The following RAPGEF2 variants were observed in gnomAD, a reference collection of about 807,000 sequenced individuals.
The protein encoded by RAPGEF2 is PDZ domain containing guanine nucleotide exchange factor (GEF) 1.
RAPGEF2 carries 54 observed loss-of-function variants against 186.7 expected under a neutral mutation model. That is an observed-to-expected ratio of 0.29 (90% CI 0.23 to 0.36). The LOEUF is 0.36. RAPGEF2 is among the 10% of genes least tolerant of loss of function. RAPGEF2 has a pLI of 1.00. For synonymous variants in RAPGEF2, 712 were observed against 705.9 expected, an observed-to-expected ratio of 1.01 and a Z score of -0.14; for missense variants, 1,532 against 2,045.0, an observed-to-expected ratio of 0.75 and a Z score of 4.84.
At chr4:159,151,634 G>A (rs1361834299) in intron 1 of RAPGEF2, among the ~76,000 whole-genome samples, 2 of 152,164 alleles carry the variant, frequency 1.3e-5, no homozygotes, top group Non-Finnish European at 2.9e-5. Flanking sequence ...AAAACAAAAA[G>A]CAAAGTTGTG....
intron 7 of RAPGEF2, among the ~76,000 whole-genome samples, chr4:159,302,732 A>G (rs983935068): frequency 2.6e-5 from 4 of 151,990 alleles, no homozygotes; most frequent in Admixed American, 6.6e-5. Flanking sequence ...TCCCTTACAG[A>G]TAAGTTGTTA....
chr4:159,202,158 G>A (rs572323728), intron 3 of RAPGEF2, among the ~76,000 whole-genome samples: 6 of 152,186 alleles, frequency 3.9e-5, no homozygotes, highest in African/African-American at 7.2e-5. Flanking sequence ...CAAAGCAATC[G>A]CCATCTTTTT....
At chr4:159,312,399 C>T (rs1369507219) in intron 8 of RAPGEF2, among the ~76,000 whole-genome samples, 1 of 152,134 alleles carries the variant, frequency 6.6e-6, no homozygotes, top group Non-Finnish European at 1.5e-5. Flanking sequence ...TTCTAGACTT[C>T]AGGGTCAGGT....
chr4:159,236,059 A>T (rs1486812184), intron 4 of RAPGEF2, among the ~76,000 whole-genome samples: 2 of 152,172 alleles, frequency 1.3e-5, no homozygotes, highest in Non-Finnish European at 2.9e-5. Context: ...TTGTTGAGTA[A>T]ATGAAGTAAC....
intron 11 of RAPGEF2, 123 bp from the exon 12 acceptor site, chr4:159,329,724 CAGCATTAATTT>C (rs1359643527): frequency 1.6e-6 from 1 of 632,438 alleles, no homozygotes; most frequent in African/African-American, 1.9e-5. Flanking sequence ...AGGTTCATTA[CAGCATTAATTT>C]AGAAAGTATG....
At chr4:159,330,531 A>G in intron 13 of RAPGEF2, 33 bp downstream of exon 13, 1 of 1,497,688 alleles carries the variant, frequency 6.7e-7, no homozygotes, top group South Asian at 1.2e-5. Flanking sequence ...TCTCTTAAAT[A>G]TGAAATGTAA....
intron 7 of RAPGEF2, among the ~76,000 whole-genome samples, chr4:159,280,456 ACT>A (rs1759541738): frequency 1.3e-5 from 2 of 152,022 alleles, no homozygotes; most frequent in African/African-American, 2.4e-5. Flanking sequence ...TTCGGTCTCT[ACT>A]CTCTGAAAAG....
At chr4:159,324,078 G>A (rs1765606642) in intron 11 of RAPGEF2, among the ~76,000 whole-genome samples, 4 of 152,044 alleles carry the variant, frequency 2.6e-5, no homozygotes, top group Admixed American at 2.6e-4. Flanking sequence ...TGTATTTGTA[G>A]TAGAGATGGG....
intron 29 of RAPGEF2, among the ~76,000 whole-genome samples, chr4:159,357,019 G>A (rs1169967997): frequency 6.6e-6 from 1 of 152,070 alleles, no homozygotes; most frequent in African/African-American, 2.4e-5. Flanking sequence ...TTATATTTGC[G>A]CTTTTAATGA....
At chr4:159,343,852 A>G (rs1359849889) in intron 22 of RAPGEF2, among the ~76,000 whole-genome samples, 184 bp from the exon 23 acceptor site, 2 of 152,222 alleles carry the variant, frequency 1.3e-5, no homozygotes, top group Non-Finnish European at 2.9e-5. Context: ...ATTTAAATGT[A>G]TGTGTCTTTT....
At chr4:159,198,071 AT>A (rs924255744) in intron 3 of RAPGEF2, among the ~76,000 whole-genome samples, 42 of 151,822 alleles carry the variant, frequency 2.8e-4, no homozygotes, top group African/African-American at 9.4e-4. Flanking sequence ...TTATTACACT[AT>A]TTTTTCCTTC....
intron 8 of RAPGEF2, among the ~76,000 whole-genome samples, chr4:159,312,791 G>A (rs969092447): frequency 6.6e-6 from 1 of 152,176 alleles, no homozygotes; most frequent in African/African-American, 2.4e-5. Context: ...TCAAAATGTA[G>A]GATTAAATCT....
chr4:159,275,273 A>G lies in RAPGEF2; in HGVS notation c.544-29069A>G, dbSNP rs544579792. Among the ~76,000 whole-genome samples the G allele has an allele frequency of 7.9e-5, 12 of 152,206 alleles. No homozygotes were observed. In the South Asian group the frequency reaches 2.3e-3, roughly 29 times the overall value. On this transcript the variant is annotated intron_variant, in intron 7 of 29. Coordinates refer to ENST00000691494, the MANE Select transcript of RAPGEF2 (RefSeq NM_001394067.2). Reference sequence around the variant, plus strand: ...GACCAAATTCTCTTTTACAACTTACACTGGATATTCATCATAAAGGCTGTT... The same window carrying G: ...GACCAAATTCTCTTTTACAACTTACGCTGGATATTCATCATAAAGGCTGTT...
At chr4:159,193,999 A>G (rs1025253583) in intron 3 of RAPGEF2, among the ~76,000 whole-genome samples, 10 of 152,362 alleles carry the variant, frequency 6.6e-5, no homozygotes, top group Middle Eastern at 6.8e-3. Flanking sequence ...AACAACAACA[A>G]CAGAAACAAA....
intron 3 of RAPGEF2, among the ~76,000 whole-genome samples, chr4:159,195,292 A>G (rs1405937275): frequency 4.6e-5 from 7 of 152,244 alleles, no homozygotes; most frequent in Admixed American, 2.6e-4. Context: ...TGAGTATACA[A>G]ATAACAGGGA....
intron 10 of RAPGEF2, 111 bp downstream of exon 10, chr4:159,322,594 A>G: frequency 1.2e-6 from 1 of 807,896 alleles, no homozygotes; most frequent in Non-Finnish European, 2.0e-6. Flanking sequence ...CAACAACAGT[A>G]AGTTTGAATA....
chr4:159,296,188 C>T (rs1403256064), intron 7 of RAPGEF2, among the ~76,000 whole-genome samples: 1 of 152,122 alleles, frequency 6.6e-6, no homozygotes, highest in Admixed American at 6.5e-5. Context: ...AAATCAGCTT[C>T]CTGAATGTTA....
chr4:159,329,862 T>C lies in RAPGEF2; in HGVS notation c.1154T>C (p.Val385Ala). Residue 385 changes from valine to alanine, a missense_variant, in exon 12 of 30, where the codon GTC becomes GCC. Val to Ala is a moderately conservative substitution (Grantham distance 64). Around this residue, in one of 4 missense-constraint regions of RAPGEF2, gnomAD observed 810 missense variants for 1,210.5 expected, o/e 0.67. Transcript: ENST00000691494. Reference sequence around the variant, plus strand: ...GTGACTTATGTTTTATTCCAGTTTGTCTGCATAGCCCAGCAAGATTACTGC... The same window carrying C: ...GTGACTTATGTTTTATTCCAGTTTGCCTGCATAGCCCAGCAAGATTACTGC... ...MRTKVDDCQF[V>A]CIAQQDYCRI... 6.2e-7 allele frequency: 1 copy of C among 1,609,694 alleles called. No homozygotes were observed. Among genetic ancestry groups the C allele is most frequent in the African/African-American group, 1.3e-5 (1 of 74,706 alleles).
intron 7 of RAPGEF2, among the ~76,000 whole-genome samples, chr4:159,279,510 G>A (rs1372850247): frequency 3.3e-5 from 5 of 152,182 alleles, no homozygotes; most frequent in African/African-American, 4.8e-5. Context: ...GTGCCATGTC[G>A]TAACTGCTAC....
Sources: allele counts gnomAD v4.1 joint callset (sites outside exome capture counted in the v4.1 genomes callset), GRCh38; gene constraint gnomAD v4.1.1; regional missense constraint gnomAD v4.1.1; transcripts MANE v1.5; gene names NCBI Gene and HGNC (gene_info 2026-07-23, HGNC 2026-07-21).